Variants in PRKCI observed in about 807,000 individuals in gnomAD.
The protein encoded by PRKCI is protein kinase C iota type.
A neutral mutation model predicts 84.0 loss-of-function variants in PRKCI; 43 were observed. That is an observed-to-expected ratio of 0.51 (90% CI 0.40 to 0.66). The LOEUF is 0.66. Ranked by LOEUF, PRKCI falls within the 30% of genes least tolerant of loss-of-function variation. The pLI, the probability that PRKCI is intolerant of heterozygous loss-of-function variation, is 0.00. For synonymous variants in PRKCI, 216 were observed against 234.4 expected (o/e 0.92, Z 0.72); for missense variants, 459 against 745.6 (o/e 0.62, Z 4.48).
chr3:170,231,779 C>G (rs981614296), intron 1 of PRKCI, among the ~76,000 whole-genome samples: 4 of 152,076 alleles, frequency 2.6e-5, no homozygotes, highest in Non-Finnish European at 5.9e-5. Context: ...TTATTTTTAG[C>G]CATAGGCTAG....
At chr3:170,248,267 GT>G (rs1392965164) in intron 2 of PRKCI, among the ~76,000 whole-genome samples, 1 of 152,106 alleles carries the variant, frequency 6.6e-6, no homozygotes, top group Non-Finnish European at 1.5e-5. Flanking sequence ...TAATTGGATT[GT>G]GAATATTTAC....
At chr3:170,224,302 T>C (rs2108832039) in intron 1 of PRKCI, among the ~76,000 whole-genome samples, 1 of 152,270 alleles carries the variant, frequency 6.6e-6, no homozygotes, top group African/African-American at 2.4e-5. Flanking sequence ...ACTTTGTGTT[T>C]AAGCAGGTAA....
chr3:170,269,787 A>G (rs966054410), intron 5 of PRKCI, among the ~76,000 whole-genome samples: 1 of 152,090 alleles, frequency 6.6e-6, no homozygotes, highest in Non-Finnish European at 1.5e-5. Flanking sequence ...GTGAAACCCC[A>G]TCTCTACTAA....
chr3:170,262,521 C>A (rs2108849774), intron 3 of PRKCI, among the ~76,000 whole-genome samples: 1 of 152,260 alleles, frequency 6.6e-6, no homozygotes, highest in Non-Finnish European at 1.5e-5. Flanking sequence ...CATTCTGTCA[C>A]CTGGGCTGGA....
intron 1 of PRKCI, among the ~76,000 whole-genome samples, chr3:170,231,136 T>A (rs1319698102): frequency 6.6e-6 from 1 of 151,776 alleles, no homozygotes; most frequent in Non-Finnish European, 1.5e-5. Flanking sequence ...AATTTTTGTA[T>A]TTTTAGTGAA....
intron 17 of PRKCI, 136 bp from the exon 18 acceptor site, chr3:170,302,904 G>A: frequency 1.8e-6 from 1 of 550,296 alleles, no homozygotes; most frequent in Non-Finnish European, 3.0e-6. Context: ...AGAAAATCTG[G>A]GGGATTAATC....
chr3:170,268,842 TAGTA>T (rs1733928530), intron 5 of PRKCI, among the ~76,000 whole-genome samples: 1 of 152,186 alleles, frequency 6.6e-6, no homozygotes, highest in Non-Finnish European at 1.5e-5. Context: ...ATAATACAGC[TAGTA>T]AGTGATAGAA....
chr3:170,232,936 A>G (rs1459852759), intron 1 of PRKCI, among the ~76,000 whole-genome samples: 1 of 152,072 alleles, frequency 6.6e-6, no homozygotes, highest in Non-Finnish European at 1.5e-5. Flanking sequence ...TGTTACATTC[A>G]TATTTCACAA....
chr3:170,298,530 A>G (rs1256149711), intron 16 of PRKCI, among the ~76,000 whole-genome samples: 10 of 149,842 alleles, frequency 6.7e-5, no homozygotes, highest in Non-Finnish European at 1.5e-4. Flanking sequence ...CTCAGCCTCC[A>G]GAGTAGCTGG....
rs36006947 is a variant in PRKCI at position 170,228,616 on chromosome 3, T to TACAC, written c.101+5868_101+5871dup. ...ACACACACACAAATATATATATATATACACACACACACACACACACACACA... is the reference window on the plus strand; with the variant it reads ...ACACACACACAAATATATATATATATACACACACACACACACACACACACACACA... On this transcript the variant is annotated intron_variant, in intron 1 of 17. Transcript: ENST00000295797. Among the ~76,000 whole-genome samples, 1,029 of 147,360 alleles carry TACAC rather than the reference T, an allele frequency of 7.0e-3. 3 individuals carry two copies. Among genetic ancestry groups the TACAC allele is most frequent in the South Asian group, 0.025 (114 of 4,646 alleles).
At chr3:170,275,771 T>C (rs1460673168) in intron 8 of PRKCI, among the ~76,000 whole-genome samples, 2 of 152,182 alleles carry the variant, frequency 1.3e-5, no homozygotes, top group Non-Finnish European at 2.9e-5. Flanking sequence ...AAGATAATCA[T>C]GTCTCCCACC....
At position 170,222,424 on chromosome 3, in the gene PRKCI, G is replaced by T; in HGVS notation, c.-246G>T. 1 of 427,736 alleles carries T rather than the reference G, an allele frequency of 2.3e-6. No homozygotes were observed. Among genetic ancestry groups the T allele is most frequent in the Non-Finnish European group, 4.1e-6 (1 of 245,014 alleles). The allele number at this position is 427,736 out of a possible 1,614,324, so 26.5% of individuals were successfully genotyped here. On this transcript the variant is annotated 5_prime_UTR_variant, in exon 1 of 18. Coordinates refer to ENST00000295797, the MANE Select transcript of PRKCI (RefSeq NM_002740.6). ...TGGAGCGAGCGAAGTGGGAGGGACC[G>T]ACGCAGGAGGTGTCTTGGGCCCGGG... is the stretch of plus-strand genomic sequence containing the variant.
chr3:170,245,949 G>GTTTTTTTTTTTTGTTTGTTT (rs1733266404), intron 2 of PRKCI, among the ~76,000 whole-genome samples: 9 of 82,462 alleles, frequency 1.1e-4, no homozygotes, highest in South Asian at 3.9e-4. Flanking sequence ...TTATGTCTTT[G>GTTTTTTTTTTTTGTTTGTTT]TTTTTTTTTT....
intron 2 of PRKCI, 124 bp downstream of exon 2, chr3:170,235,475 C>T (rs1469409127): frequency 1.3e-5 from 13 of 1,002,884 alleles, no homozygotes; most frequent in South Asian, 4.4e-5. Context: ...TGATGCCATT[C>T]TTGTTTTTTC....
intron 2 of PRKCI, among the ~76,000 whole-genome samples, chr3:170,241,939 G>C (rs1441091829): frequency 6.6e-6 from 1 of 151,982 alleles, no homozygotes; most frequent in Non-Finnish European, 1.5e-5. Context: ...GAGAAACCCT[G>C]TCTCTACTAA....
Position 170,254,787 on chromosome 3 carries a change from G to A in PRKCI, c.224-5182G>A, listed in dbSNP as rs115567154. On this transcript the variant is annotated intron_variant, in intron 2 of 17. Coordinates refer to ENST00000295797, the MANE Select transcript of PRKCI (RefSeq NM_002740.6). The stretch of plus-strand genomic sequence containing the variant: ...CTCCAGTTTTGTTCTTTTTGTTCAG[G>A]CTAGCTTTGGCCATTCTGGGTCTTT... Among the ~76,000 whole-genome samples, 945 of 152,128 alleles carry A rather than the reference G, an allele frequency of 6.2e-3. 8 individuals are homozygous for A. The highest frequency in any genetic ancestry group is 0.017 in the Middle Eastern group (5 of 294).
intron 2 of PRKCI, among the ~76,000 whole-genome samples, chr3:170,253,175 A>T (rs1733496787): frequency 6.6e-6 from 1 of 152,106 alleles, no homozygotes; most frequent in Non-Finnish European, 1.5e-5. Context: ...TCTTCAATAT[A>T]CTGATTTCCT....
At chr3:170,284,711 C>G in intron 12 of PRKCI, 115 bp downstream of exon 12, 1 of 1,247,616 alleles carries the variant, frequency 8.0e-7, no homozygotes, top group Non-Finnish European at 1.1e-6. Context: ...TTTACTTAAG[C>G]TTTGTGGAAT....
At chr3:170,302,463 G>T (rs769372981) in intron 17 of PRKCI, among the ~76,000 whole-genome samples, 1 of 152,076 alleles carries the variant, frequency 6.6e-6, no homozygotes, top group Non-Finnish European at 1.5e-5. Context: ...TCTTAGTATG[G>T]CATAATACAT....
Sources: allele counts gnomAD v4.1 joint callset (sites outside exome capture counted in the v4.1 genomes callset), GRCh38; gene constraint gnomAD v4.1.1; transcripts MANE v1.5; gene names NCBI Gene and HGNC (gene_info 2026-07-23, HGNC 2026-07-21).